Variants in PLD5 observed in about 807,000 individuals in gnomAD.
PLD5 encodes the protein phospholipase D family member 5.
A neutral mutation model predicts 61.1 loss-of-function variants in PLD5; 36 were observed. That is an observed-to-expected ratio of 0.59 (90% CI 0.45 to 0.78). The LOEUF (loss-of-function observed/expected upper bound fraction) is 0.78, where lower values mean the gene tolerates loss of function less well. Ranked by LOEUF, PLD5 falls within the 30% of genes least tolerant of loss-of-function variation. The probability of loss-of-function intolerance (pLI) is 0.00; values close to 1 mark genes in which losing one functional copy is unlikely to be tolerated. For missense variants in PLD5, 515 were observed against 644.4 expected, an observed-to-expected ratio of 0.80 and a Z score of 2.17; for synonymous variants, 243 against 242.8, an observed-to-expected ratio of 1.00 and a Z score of -0.01.
chr1:242,092,883 A>G (rs1659945377), intron 9 of PLD5, among the ~76,000 whole-genome samples: 1 of 151,946 alleles, frequency 6.6e-6, no homozygotes, highest in African/African-American at 2.4e-5. Flanking sequence ...CTTGTCTCTC[A>G]TTTTACTCCT....
intron 1 of PLD5, among the ~76,000 whole-genome samples, chr1:242,478,396 G>A (rs1667664518): frequency 6.6e-6 from 1 of 152,186 alleles, no homozygotes; most frequent in South Asian, 2.1e-4. Flanking sequence ...GAATCCAGAG[G>A]AGCAGGTAGA....
At chr1:242,228,839 A>G (rs192861034) in intron 4 of PLD5, among the ~76,000 whole-genome samples, 8 of 152,286 alleles carry the variant, frequency 5.3e-5, no homozygotes, top group Admixed American at 4.6e-4. Flanking sequence ...GGAGTCCACC[A>G]CTGTCCCACT....
intron 4 of PLD5, chr1:242,235,550 A>T (rs392440): frequency 0.75 from 113,776 of 152,128 alleles, 42,633 homozygotes; most frequent in South Asian, 0.84. Context: ...GAAGAATATG[A>T]GAGTATCAGG....
In PLD5 at chr1:242,328,281, A is replaced by T. The variant is rs1290697864; in HGVS notation, c.326+19825T>A. Reference sequence around the variant, plus strand: ...ATATATATACACACACATATATATTATATATATGTATGTATGTTCTACATA... The same window carrying T: ...ATATATATACACACACATATATATTTTATATATGTATGTATGTTCTACATA... On this transcript the variant is annotated intron_variant, in intron 2 of 9. Transcript: ENST00000536534. Among the ~76,000 whole-genome samples the T allele has an allele frequency of 3.9e-5, 6 of 151,916 alleles. No individual in the cohort carries two copies. The East Asian group carries it at 1.2e-3, about 29-fold the overall frequency.
chr1:242,173,630 A>G (rs1424983240), intron 5 of PLD5, among the ~76,000 whole-genome samples: 1 of 152,214 alleles, frequency 6.6e-6, no homozygotes, highest in African/African-American at 2.4e-5. Flanking sequence ...GCATCATGCT[A>G]CCTGACTTCA....
At chr1:242,321,748 C>T (rs954021100) in intron 2 of PLD5, among the ~76,000 whole-genome samples, 6 of 152,184 alleles carry the variant, frequency 3.9e-5, no homozygotes, top group African/African-American at 1.4e-4. Context: ...TCTACACTCT[C>T]CTGGTGGTTG....
intron 2 of PLD5, among the ~76,000 whole-genome samples, chr1:242,299,041 G>A (rs1675879779): frequency 6.6e-6 from 1 of 151,594 alleles, no homozygotes; most frequent in Non-Finnish European, 1.5e-5. Context: ...AAAAAAAGTG[G>A]TTACAACTTA....
intron 4 of PLD5, among the ~76,000 whole-genome samples, chr1:242,239,290 AAC>A (rs3051893): frequency 0.16 from 24,902 of 152,082 alleles, 2,361 homozygotes; most frequent in Middle Eastern, 0.24. Flanking sequence ...CTCAGGAAGA[AAC>A]ACAGTCCTTG....
At chr1:242,238,252 C>A (rs1419210959) in intron 4 of PLD5, among the ~76,000 whole-genome samples, 1 of 152,142 alleles carries the variant, frequency 6.6e-6, no homozygotes, top group Non-Finnish European at 1.5e-5. Context: ...AATGCAGAGT[C>A]CTGAAAACAA....
chr1:242,227,627 G>A (rs1157639753), intron 4 of PLD5, among the ~76,000 whole-genome samples: 1 of 152,164 alleles, frequency 6.6e-6, no homozygotes, highest in Non-Finnish European at 1.5e-5. Flanking sequence ...GCCTCCCAAA[G>A]TGTTGGGATT....
intron 3 of PLD5, among the ~76,000 whole-genome samples, chr1:242,270,803 C>G (rs1264667983): frequency 6.6e-6 from 1 of 152,178 alleles, no homozygotes; most frequent in African/African-American, 2.4e-5. Context: ...CTTTGGTTGC[C>G]CCAGTGGGGA....
At chr1:242,216,684 G>A (rs751067787) in intron 5 of PLD5, among the ~76,000 whole-genome samples, 1 of 152,200 alleles carries the variant, frequency 6.6e-6, no homozygotes, top group Non-Finnish European at 1.5e-5. Context: ...ACCTTCCTCG[G>A]TGTCTGTGAG....
Position 242,084,748 on chromosome 1 carries a change from AGGTT to A in PLD5, c.*5102_*5105del. ...TACTCAGAATGAACATTTATTGGAA[AGGTT>A]TTTTTTTTTTTTTTTTTTTTTTTTT... On this transcript the variant is annotated 3_prime_UTR_variant, in exon 10 of 10. Transcript: ENST00000536534. The A allele has an allele frequency of 7.4e-6, 1 of 135,468 alleles. No individual in the cohort carries two copies. The highest frequency in any genetic ancestry group is 2.8e-5 in the African/African-American group (1 of 35,392). 8.4% of individuals were successfully genotyped at this position (135,468 alleles called of 1,614,324 possible).
chr1:242,459,621 T>C (rs145161863), intron 1 of PLD5, among the ~76,000 whole-genome samples: 4,433 of 152,282 alleles, frequency 0.029, 228 homozygotes, highest in African/African-American at 0.1. Flanking sequence ...ATGAAATGCT[T>C]CTGATTATTG....
At chr1:242,360,505 T>C (rs1661005170) in intron 1 of PLD5, among the ~76,000 whole-genome samples, 1 of 152,158 alleles carries the variant, frequency 6.6e-6, no homozygotes, top group Non-Finnish European at 1.5e-5. Flanking sequence ...AAAAAAGCCC[T>C]CATAATGAAG....
chr1:242,335,949 T>C (rs980062421), intron 2 of PLD5, among the ~76,000 whole-genome samples: 1 of 152,178 alleles, frequency 6.6e-6, no homozygotes, highest in Non-Finnish European at 1.5e-5. Flanking sequence ...AATAATTATT[T>C]GGATTACTGT....
intron 4 of PLD5, among the ~76,000 whole-genome samples, chr1:242,263,356 C>T (rs1434389458): frequency 1.3e-5 from 2 of 151,650 alleles, no homozygotes; most frequent in Admixed American, 6.6e-5. Context: ...GACTAGAATC[C>T]CTCCCCTGCA....
At chr1:242,277,951 C>A (rs1674504762) in intron 3 of PLD5, among the ~76,000 whole-genome samples, 1 of 152,156 alleles carries the variant, frequency 6.6e-6, no homozygotes, top group Admixed American at 6.5e-5. Context: ...CCACTGCACT[C>A]CAGCCTGGGT....
chr1:242,232,782 G>T (rs1231137756), intron 4 of PLD5, among the ~76,000 whole-genome samples: 1 of 152,190 alleles, frequency 6.6e-6, no homozygotes, highest in African/African-American at 2.4e-5. Flanking sequence ...GGCGGAGGCT[G>T]CAGTGAGCTA....
Sources: gnomAD v4.1 joint callset for allele counts (sites outside exome capture counted in the v4.1 genomes callset) on GRCh38, gnomAD v4.1.1 for gene constraint, MANE v1.5 for transcripts, NCBI Gene and HGNC (gene_info 2026-07-23, HGNC 2026-07-21) for gene names.